The following SAMMSON variants were observed in gnomAD, a reference collection of about 807,000 sequenced individuals.
The protein encoded by SAMMSON is long intergenic non-protein coding RNA 1212.
At chr3:70,388,457 T>A (rs1178405157) in intron 9 of SAMMSON, among the ~76,000 whole-genome samples, 2 of 152,174 alleles carry the variant, frequency 1.3e-5, no homozygotes, top group Non-Finnish European at 2.9e-5. Flanking sequence ...TTTTCTTTTT[T>A]AAGAAAAACT....
intron 4 of SAMMSON, among the ~76,000 whole-genome samples, chr3:70,136,679 A>G (rs1167887159): frequency 1.3e-5 from 2 of 152,226 alleles, no homozygotes; most frequent in African/African-American, 2.4e-5. Context: ...GTATAAACTG[A>G]AAGTAGAGAC....
intron 2 of SAMMSON, among the ~76,000 whole-genome samples, chr3:70,423,094 A>C (rs539726444): frequency 2.6e-5 from 4 of 152,206 alleles, no homozygotes; most frequent in Admixed American, 1.3e-4. Context: ...TTTACTAAAA[A>C]TTGCTTGTTT....
chr3:70,323,326 C>A (rs1323707260), intron 7 of SAMMSON, among the ~76,000 whole-genome samples: 2 of 152,120 alleles, frequency 1.3e-5, no homozygotes, highest in African/African-American at 2.4e-5. Flanking sequence ...CAAGTTCATA[C>A]CATTCAAAGG....
At chr3:70,272,762 C>A (rs1166493762) in intron 6 of SAMMSON, among the ~76,000 whole-genome samples, 1 of 152,164 alleles carries the variant, frequency 6.6e-6, no homozygotes, top group East Asian at 1.9e-4. Context: ...CTAAATTCCC[C>A]TTGCTTTCTT....
At position 70,314,404 on chromosome 3, in the gene SAMMSON, C is replaced by T. The variant is rs1489184888; in HGVS notation, n.739+23161C>T. Among the ~76,000 whole-genome samples the T allele has an allele frequency of 2.0e-5, 3 of 152,062 alleles. No individual in the cohort carries two copies. In the East Asian group the frequency reaches 5.8e-4, roughly 29 times the overall value. On this transcript the variant is annotated intron_variant and non_coding_transcript_variant, in intron 7 of 9. Transcript: ENST00000642114. ...TAGTTACAGTGTTTGATGTCACTTC[C>T]TCGGGCATTTGGAAACCTAATCTAA...
Position 70,121,790 on chromosome 3 carries a change from C to G in SAMMSON, n.507+50225C>G, listed in dbSNP as rs563967917. ...GACAGTGACAGGGCAGGGACAAAGA[C>G]TGGTGGCCGACTGCCTGGAGTCAGC... On this transcript the variant is annotated intron_variant and non_coding_transcript_variant, in intron 4 of 9. Transcript: ENST00000642114. Among the ~76,000 whole-genome samples the G allele has an allele frequency of 5.9e-5, 9 of 152,290 alleles. No homozygotes were observed. In the East Asian group the frequency reaches 1.7e-3, roughly 29 times the overall value.
chr3:70,165,078 G>C (rs185245468), intron 4 of SAMMSON, among the ~76,000 whole-genome samples: 30 of 152,108 alleles, frequency 2.0e-4, no homozygotes, highest in Admixed American at 5.2e-4. Context: ...TAACTGGAGA[G>C]CCCCAAGAAA....
At chr3:70,043,197 T>A (rs2067112099) in intron 3 of SAMMSON, among the ~76,000 whole-genome samples, 1 of 152,092 alleles carries the variant, frequency 6.6e-6, no homozygotes, top group African/African-American at 2.4e-5. Flanking sequence ...CACTGATTAG[T>A]TATGCAAGCC....
At chr3:70,326,759 A>C (rs1318089602) in intron 7 of SAMMSON, among the ~76,000 whole-genome samples, 1 of 152,174 alleles carries the variant, frequency 6.6e-6, no homozygotes, top group Non-Finnish European at 1.5e-5. Context: ...TATTCTATGG[A>C]CATGAGAATT....
chr3:70,068,245 T>C (rs970693539), intron 3 of SAMMSON: 3 of 152,092 alleles, frequency 2.0e-5, no homozygotes, highest in African/African-American at 7.2e-5. Context: ...ATCTTTAGAC[T>C]CCTGATGTAA....
At chr3:70,289,611 T>C (rs1702209138) in intron 6 of SAMMSON, among the ~76,000 whole-genome samples, 2 of 150,362 alleles carry the variant, frequency 1.3e-5, no homozygotes, top group Non-Finnish European at 3.0e-5. Flanking sequence ...TGGCCTGCCT[T>C]GCTAGATTGG....
chr3:70,275,940 C>CT (rs1399710140), intron 6 of SAMMSON, among the ~76,000 whole-genome samples: 1 of 151,994 alleles, frequency 6.6e-6, no homozygotes, highest in Non-Finnish European at 1.5e-5. Flanking sequence ...AACTAATCAG[C>CT]TTTGATTAAT....
chr3:70,038,115 A>G (rs1207242904), intron 3 of SAMMSON, among the ~76,000 whole-genome samples: 1 of 152,118 alleles, frequency 6.6e-6, no homozygotes, highest in Non-Finnish European at 1.5e-5. Context: ...GAGTATTGCC[A>G]CGGTTTGGAT....
chr3:70,116,268 G>T (rs1431317885), intron 4 of SAMMSON, among the ~76,000 whole-genome samples: 1 of 141,378 alleles, frequency 7.1e-6, no homozygotes, highest in Non-Finnish European at 1.5e-5. Flanking sequence ...TTGTTTTCAA[G>T]TTTTAGGAGA....
At chr3:70,031,387 G>A (rs2067065639) in intron 3 of SAMMSON, among the ~76,000 whole-genome samples, 1 of 151,950 alleles carries the variant, frequency 6.6e-6, no homozygotes, top group Non-Finnish European at 1.5e-5. Flanking sequence ...GTTTGGGGGA[G>A]ATAGGGGGTA....
In SAMMSON at chr3:70,283,716, G is replaced by A. The variant is rs988790911; in HGVS notation, n.675-7463G>A. ...CTGCATTTCAAAGGGTTTCAAGTTA[G>A]AATCTTGATTTCATACAGAGTAACA... On this transcript the variant is annotated intron_variant and non_coding_transcript_variant, in intron 6 of 9. Coordinates refer to ENST00000642114, the Ensembl canonical transcript of SAMMSON. The A allele has an allele frequency of 4.0e-5, 6 of 150,150 alleles. No individual in the cohort carries two copies. In the East Asian group the frequency reaches 9.9e-4, roughly 25 times the overall value. 9.3% of individuals were successfully genotyped at this position (150,150 alleles called of 1,614,324 possible).
At chr3:70,298,400 A>G (rs149575149) in intron 7 of SAMMSON, among the ~76,000 whole-genome samples, 4 of 152,258 alleles carry the variant, frequency 2.6e-5, no homozygotes, top group Non-Finnish European at 5.9e-5. Flanking sequence ...ACGGGAAGAT[A>G]TTAAAATGAT....
intron 4 of SAMMSON, among the ~76,000 whole-genome samples, chr3:70,234,362 T>G (rs1322665431): frequency 6.6e-6 from 1 of 152,220 alleles, no homozygotes; most frequent in African/African-American, 2.4e-5. Flanking sequence ...AAAATTCCAG[T>G]GCTAGGCTAG....
At chr3:70,107,912 G>A (rs924675215) in intron 4 of SAMMSON, among the ~76,000 whole-genome samples, 5 of 151,984 alleles carry the variant, frequency 3.3e-5, no homozygotes, top group African/African-American at 4.8e-5. Flanking sequence ...GATACACCTG[G>A]TACATCTTCC....
Sources: gnomAD v4.1 joint callset for allele counts (sites outside exome capture counted in the v4.1 genomes callset) on GRCh38, gnomAD v4.1.1 for gene constraint, MANE v1.5 for transcripts, NCBI Gene and HGNC (gene_info 2026-07-23, HGNC 2026-07-21) for gene names.